The following MSH4 variants were observed in gnomAD, a reference collection of about 807,000 sequenced individuals.
MSH4 encodes the protein mutS protein homolog 4.
In MSH4, 106 loss-of-function variants were observed where a neutral mutation model predicts 113.7. That is an observed-to-expected ratio of 0.93 (90% CI 0.80 to 1.10). The LOEUF (loss-of-function observed/expected upper bound fraction) is 1.10. MSH4 is among the 50% of genes least tolerant of loss of function. The probability of loss-of-function intolerance (pLI) is 0.00; values close to 1 mark genes in which losing one functional copy is unlikely to be tolerated. For synonymous variants in MSH4, 368 were observed against 380.2 expected (o/e 0.97, Z 0.37); for missense variants, 1,061 against 1,093.7 (o/e 0.97, Z 0.42).
chr1:75,885,484 A>C (rs1652057559), intron 15 of MSH4, among the ~76,000 whole-genome samples: 1 of 126,868 alleles, frequency 7.9e-6, no homozygotes, highest in Admixed American at 1.0e-4. Context: ...CACACACACA[A>C]ACACTGGGTA....
At chr1:75,905,289 T>C (rs570751762) in intron 19 of MSH4, among the ~76,000 whole-genome samples, 1 of 152,226 alleles carries the variant, frequency 6.6e-6, no homozygotes, top group East Asian at 1.9e-4. Context: ...CTTTTTAATG[T>C]CGTTATTGAC....
chr1:75,861,241 C>T (rs1020733552), intron 8 of MSH4, among the ~76,000 whole-genome samples: 2 of 151,966 alleles, frequency 1.3e-5, no homozygotes, highest in African/African-American at 4.8e-5. Flanking sequence ...TTGTTATTAC[C>T]GACCTTCTGA....
chr1:75,857,662 C>T (rs1352021325), intron 8 of MSH4, among the ~76,000 whole-genome samples: 1 of 152,140 alleles, frequency 6.6e-6, no homozygotes, highest in African/African-American at 2.4e-5. Flanking sequence ...TGTTTTGGTA[C>T]CAGTACCATG....
intron 14 of MSH4, 58 bp downstream of exon 14, chr1:75,881,428 A>T: frequency 6.5e-7 from 1 of 1,541,132 alleles, no homozygotes; most frequent in Non-Finnish European, 8.9e-7. Flanking sequence ...TTCGATTCAA[A>T]CAATTTGATA....
rs181322823 is a variant in MSH4, at chr1:75,886,445, A to G, written c.2107+2624A>G. 3.6e-3 allele frequency among the ~76,000 whole-genome samples: 390 copies of G among 109,550 alleles called. 13 individuals carry two copies. The highest frequency in any genetic ancestry group is 0.013 in the Middle Eastern group (1 of 80). 71.9% of individuals were successfully genotyped at this position (109,550 alleles called of 152,430 possible). On this transcript the variant is annotated intron_variant, in intron 15 of 19. Transcript: ENST00000263187. ...ATATGATGTATTATATATTATATATAATATATATGATGTATTATATATTAT... is the reference window on the plus strand; with the variant it reads ...ATATGATGTATTATATATTATATATGATATATATGATGTATTATATATTAT...
intron 3 of MSH4, among the ~76,000 whole-genome samples, chr1:75,808,760 A>G (rs575223651): frequency 1.3e-5 from 2 of 152,098 alleles, no homozygotes; most frequent in African/African-American, 2.4e-5. Flanking sequence ...AGTATCTTAG[A>G]TCAGTCAGAA....
intron 7 of MSH4, among the ~76,000 whole-genome samples, chr1:75,830,625 A>G (rs974113334): frequency 6.6e-6 from 1 of 152,186 alleles, no homozygotes; most frequent in Non-Finnish European, 1.5e-5. Flanking sequence ...AAGAGAGTGG[A>G]GGCCAATATT....
intron 8 of MSH4, among the ~76,000 whole-genome samples, chr1:75,858,616 C>T (rs188004959): frequency 7.9e-5 from 12 of 152,188 alleles, no homozygotes; most frequent in South Asian, 2.1e-4. Flanking sequence ...GGGATGAAGC[C>T]GACTTGATTG....
intron 19 of MSH4, among the ~76,000 whole-genome samples, chr1:75,902,964 G>A (rs1652543243): frequency 6.7e-6 from 1 of 150,282 alleles, no homozygotes. Flanking sequence ...CAGAAGGAGA[G>A]CTTGAAAATA....
At chr1:75,862,934 A>G (rs1428319587) in intron 8 of MSH4, among the ~76,000 whole-genome samples, 11 of 152,152 alleles carry the variant, frequency 7.2e-5, no homozygotes, top group Non-Finnish European at 2.9e-5. Flanking sequence ...TCTTATCTTA[A>G]CACAATTTTC....
chr1:75,857,102 G>C (rs1304619626), intron 8 of MSH4, among the ~76,000 whole-genome samples: 1 of 152,104 alleles, frequency 6.6e-6, no homozygotes, highest in Non-Finnish European at 1.5e-5. Flanking sequence ...AGAATTGTCT[G>C]TTCATATCCT....
In MSH4 at chr1:75,885,045, G is replaced by GTATA. The variant is rs1286506735; in HGVS notation, c.2107+1225_2107+1226insATAT. ...TATATATATATGTGTGTGTGTGTGTGTGTGTGTGTGTGTGTATATATATAT... is the reference window on the plus strand; with the variant it reads ...TATATATATATGTGTGTGTGTGTGTGTATATGTGTGTGTGTGTGTATATATATAT... On this transcript the variant is annotated intron_variant, in intron 15 of 19. Coordinates refer to ENST00000263187, the MANE Select transcript of MSH4 (RefSeq NM_002440.4). 7.8e-3 allele frequency among the ~76,000 whole-genome samples: 842 copies of GTATA among 107,658 alleles called. 16 individuals are homozygous for GTATA. The highest frequency in any genetic ancestry group is 0.036 in the East Asian group (167 of 4,616). 70.6% of individuals were successfully genotyped at this position (107,658 alleles called of 152,430 possible). A position where few individuals can be genotyped will look rare whatever the true frequency, so the allele number is the denominator to read the frequency against.
At chr1:75,812,323 C>T (rs1650207354) in intron 4 of MSH4, among the ~76,000 whole-genome samples, 1 of 152,080 alleles carries the variant, frequency 6.6e-6, no homozygotes, top group Non-Finnish European at 1.5e-5. Flanking sequence ...TTATACTGGG[C>T]ATTTTAATGG....
chr1:75,881,935 C>G (rs1332622226), intron 14 of MSH4, among the ~76,000 whole-genome samples: 1 of 151,970 alleles, frequency 6.6e-6, no homozygotes, highest in Non-Finnish European at 1.5e-5. Context: ...TAACCATACT[C>G]CAGTATGCAA....
intron 15 of MSH4, among the ~76,000 whole-genome samples, chr1:75,888,818 G>C (rs1220635145): frequency 2.0e-5 from 3 of 149,934 alleles, no homozygotes. Context: ...GTTTATAACT[G>C]TCTGTTTGTT....
intron 19 of MSH4, among the ~76,000 whole-genome samples, chr1:75,902,130 G>A (rs763745894): frequency 2.0e-5 from 3 of 151,966 alleles, no homozygotes; most frequent in Non-Finnish European, 4.4e-5. Context: ...CTCATTTCTT[G>A]TTCTTAAAGG....
At chr1:75,850,714 T>C (rs1651167525) in intron 8 of MSH4, among the ~76,000 whole-genome samples, 1 of 152,118 alleles carries the variant, frequency 6.6e-6, no homozygotes, top group Admixed American at 6.5e-5. Flanking sequence ...TATGGTGTTT[T>C]ACGTTTTTTT....
rs781043109 is a variant in MSH4, at chr1:75,912,668, A to G, written c.2620-28A>G. 2.0e-5 allele frequency: 25 copies of G among 1,237,328 alleles called. 1 individual carries two copies. The highest frequency in any genetic ancestry group is 5.4e-5 in the South Asian group (3 of 55,632). The allele number at this position is 1,237,328 out of a possible 1,614,324, so 76.6% of individuals were successfully genotyped here. ...AAAATTATGGTATTTGTGTATATAT[A>G]TATATATTTTTTTTTTTTCAATGAC... On this transcript the variant is annotated intron_variant, in intron 19 of 19. Transcript: ENST00000263187.
At chr1:75,823,709 G>C (rs1012940231) in intron 7 of MSH4, among the ~76,000 whole-genome samples, 1 of 152,078 alleles carries the variant, frequency 6.6e-6, no homozygotes, top group East Asian at 1.9e-4. Flanking sequence ...TCCCACTTAT[G>C]AGTGAAAACA....
Sources: allele counts gnomAD v4.1 joint callset (sites outside exome capture counted in the v4.1 genomes callset), GRCh38; gene constraint gnomAD v4.1.1; transcripts MANE v1.5; gene names NCBI Gene and HGNC (gene_info 2026-07-23, HGNC 2026-07-21).